The following COG7 variants were observed in gnomAD, a reference collection of about 807,000 sequenced individuals.
COG7 encodes the protein component of oligomeric golgi complex 7.
A neutral mutation model predicts 91.5 loss-of-function variants in COG7; 49 were observed. That is an observed-to-expected ratio of 0.54 (90% CI 0.43 to 0.68). The LOEUF (loss-of-function observed/expected upper bound fraction) is 0.68, where lower values mean the gene tolerates loss of function less well. Ranked by LOEUF, COG7 falls within the 30% of genes least tolerant of loss-of-function variation. The probability of loss-of-function intolerance (pLI) is 0.00; values close to 1 mark genes in which losing one functional copy is unlikely to be tolerated. For missense variants in COG7, 895 were observed against 961.3 expected (o/e 0.93, Z 0.91); for synonymous variants, 365 against 388.7 (o/e 0.94, Z 0.72).
chr16:23,420,323 T>C (rs2142078011), intron 7 of COG7, among the ~76,000 whole-genome samples: 2 of 152,306 alleles, frequency 1.3e-5, no homozygotes, highest in South Asian at 4.1e-4. Flanking sequence ...CATGGAAACA[T>C]GGCTCAGAAT....
intron 6 of COG7, among the ~76,000 whole-genome samples, chr16:23,430,377 C>T (rs995718304): frequency 6.7e-6 from 1 of 150,216 alleles, no homozygotes; most frequent in African/African-American, 2.5e-5. Context: ...TGCAGTGAGC[C>T]ATGATCATGC....
At chr16:23,419,790 A>C (rs1963723816) in intron 7 of COG7, among the ~76,000 whole-genome samples, 1 of 149,758 alleles carries the variant, frequency 6.7e-6, no homozygotes, top group Non-Finnish European at 1.5e-5. Flanking sequence ...AGAAAAGGCA[A>C]TACAGGAAGA....
chr16:23,434,272 T>C (rs910886865), intron 5 of COG7, among the ~76,000 whole-genome samples: 5 of 152,030 alleles, frequency 3.3e-5, no homozygotes, highest in Non-Finnish European at 7.4e-5. Context: ...GGCAAAATAG[T>C]GAAACCCTAT....
At chr16:23,398,856 A>G (rs1963327952) in intron 13 of COG7, among the ~76,000 whole-genome samples, 1 of 152,090 alleles carries the variant, frequency 6.6e-6, no homozygotes, top group South Asian at 2.1e-4. Context: ...TGCCATTTGG[A>G]GTGGAAACAT....
Position 23,424,829 on chromosome 16 carries a change from T to A in COG7, c.929A>T (p.Glu310Val). 1 of 1,614,216 alleles carries A rather than the reference T, an allele frequency of 6.2e-7. No homozygotes were observed. The highest frequency in any genetic ancestry group is 1.1e-5 in the South Asian group (1 of 91,084). ...NGVERAGPEQ[E>V]LTRLLEFYDA... ...GTAGAACTCCAGCAGCCTGGTGAGC[T>A]CCTGCTCGGGCCCTGCCCTCTCCAC... is the stretch of plus-strand genomic sequence containing the variant. The change falls in exon 7 of 17, where the codon GAG (glutamate) becomes GTG (valine). Residue 310 changes from glutamate to valine, a missense_variant. By Grantham distance (121) the Glu-to-Val change is moderately radical. Transcript: ENST00000307149.
chr16:23,388,872 C>A lies in COG7; in HGVS notation c.*48G>T. 2 of 1,611,910 alleles carry A rather than the reference C, an allele frequency of 1.2e-6. No homozygotes were observed. Among genetic ancestry groups the A allele is most frequent in the South Asian group, 2.2e-5 (2 of 90,744 alleles). ...TCTGAGCAAATCTGTGCTGGTGAGT[C>A]GCGAAACAGCAGCCCTGGCTCTCTT... On this transcript the variant is annotated 3_prime_UTR_variant, in exon 17 of 17. Coordinates refer to ENST00000307149, the MANE Select transcript of COG7 (RefSeq NM_153603.4).
intron 14 of COG7, 136 bp from the exon 15 acceptor site, chr16:23,393,483 GTATGTGGCGA>G: frequency 2.9e-6 from 2 of 697,572 alleles, no homozygotes; most frequent in East Asian, 5.4e-5. Flanking sequence ...GATCTTTCTA[GTATGTGGCGA>G]TGCTTGTTAT....
chr16:23,390,720 C>T (rs549269174), intron 16 of COG7, among the ~76,000 whole-genome samples: 1 of 152,372 alleles, frequency 6.6e-6, no homozygotes, highest in East Asian at 1.9e-4. Context: ...GGATTACAGG[C>T]ATGAGCCATG....
chr16:23,399,133 C>T (rs1441148701), intron 13 of COG7, among the ~76,000 whole-genome samples: 1 of 152,118 alleles, frequency 6.6e-6, no homozygotes, highest in Non-Finnish European at 1.5e-5. Context: ...AGTAGCATTC[C>T]GGGAAAGGAA....
intron 9 of COG7, chr16:23,414,031 C>A (rs182281765): frequency 6.1e-6 from 1 of 163,736 alleles, no homozygotes; most frequent in African/African-American, 2.4e-5. Context: ...AGATTAAATA[C>A]CCGTGGCAAA....
In COG7 at chr16:23,403,757, C is replaced by T. The variant is rs1220547386; in HGVS notation, c.1740G>A (p.Gln580=). The T allele has an allele frequency of 1.2e-6, 2 of 1,614,230 alleles. No individual in the cohort carries two copies. The highest frequency in any genetic ancestry group is 1.7e-6 in the Non-Finnish European group (2 of 1,180,042). ...GCAGGAACACGGAATCGAAAGCCAG[C>T]TGGTGGGCCTGCTGGTTAAGCCGAG... ...ALTRLNQQAH[Q]LAFDSVFLRI... The change falls in exon 13 of 17, where the codon CAG becomes CAA. Residue 580 remains glutamine, a synonymous_variant. Coordinates refer to ENST00000307149, the MANE Select transcript of COG7 (RefSeq NM_153603.4).
At chr16:23,398,156 C>T in intron 13 of COG7, 27 bp from the exon 14 acceptor site, 2 of 1,583,304 alleles carry the variant, frequency 1.3e-6, no homozygotes, top group Admixed American at 1.7e-5. Context: ...AGGACACAAT[C>T]AGTACCTAGC....
chr16:23,400,571 C>T (rs149772420), intron 13 of COG7, among the ~76,000 whole-genome samples: 3,540 of 152,110 alleles, frequency 0.023, 68 homozygotes, highest in Non-Finnish European at 0.039. Context: ...GAGGAGCAGC[C>T]TCAAAACATG....
At chr16:23,451,121 AG>A (rs1964258276) in intron 1 of COG7, among the ~76,000 whole-genome samples, 2 of 152,192 alleles carry the variant, frequency 1.3e-5, no homozygotes, top group Admixed American at 1.3e-4. Context: ...TGAACTCAGA[AG>A]GGGGAGGTTG....
At chr16:23,450,471 A>G (rs1964248757) in intron 1 of COG7, among the ~76,000 whole-genome samples, 1 of 152,044 alleles carries the variant, frequency 6.6e-6, no homozygotes, top group Admixed American at 6.6e-5. Context: ...TTTCCTCCCC[A>G]CTGCCCATTT....
intron 4 of COG7, among the ~76,000 whole-genome samples, chr16:23,436,925 A>G (rs1964021874): frequency 1.3e-5 from 2 of 152,172 alleles, no homozygotes; most frequent in Admixed American, 6.6e-5. Flanking sequence ...CATATTTCAG[A>G]GAATCCCAAC....
intron 3 of COG7, among the ~76,000 whole-genome samples, chr16:23,444,376 C>G (rs935078843): frequency 6.6e-6 from 1 of 152,008 alleles, no homozygotes; most frequent in Non-Finnish European, 1.5e-5. Flanking sequence ...CTATTTTCCA[C>G]ACTTTGCAGC....
At chr16:23,409,099 G>GTGTGTGCGCGCGCGTGCA (rs1963520790) in intron 11 of COG7, among the ~76,000 whole-genome samples, 1 of 139,414 alleles carries the variant, frequency 7.2e-6, no homozygotes, top group Admixed American at 7.0e-5. Context: ...GCGTGCATGT[G>GTGTGTGCGCGCGCGTGCA]TGTGTGTGTG....
chr16:23,431,659 A>T (rs1458748645), intron 6 of COG7, among the ~76,000 whole-genome samples: 1 of 151,764 alleles, frequency 6.6e-6, no homozygotes, highest in Non-Finnish European at 1.5e-5. Flanking sequence ...AAACACAAAA[A>T]TTAGCTGGGA....
Sources: gnomAD v4.1 joint callset for allele counts (sites outside exome capture counted in the v4.1 genomes callset) on GRCh38, gnomAD v4.1.1 for gene constraint, MANE v1.5 for transcripts, NCBI Gene and HGNC (gene_info 2026-07-23, HGNC 2026-07-21) for gene names.